Variants in PCDH15 observed in about 807,000 individuals in gnomAD.
PCDH15 encodes the protein protocadherin-15.
Under a neutral mutation model 178.5 loss-of-function variants are expected in PCDH15, and 129 were observed. The observed-to-expected ratio is 0.72, with a 90% CI of 0.63 to 0.84. PCDH15 has a LOEUF of 0.84. PCDH15 is among the 40% of genes least tolerant of loss of function. The pLI is 0.00. For synonymous variants in PCDH15, 800 were observed against 732.0 expected, an observed-to-expected ratio of 1.09 and a Z score of -1.50; for missense variants, 2,230 against 2,099.9, an observed-to-expected ratio of 1.06 and a Z score of -1.21.
chr10:54,155,852 T>C (rs939474005), intron 13 of PCDH15, among the ~76,000 whole-genome samples: 1 of 151,768 alleles, frequency 6.6e-6, no homozygotes, highest in Non-Finnish European at 1.5e-5. Flanking sequence ...TGTCCCCTTC[T>C]GAAGTCTATT....
At chr10:54,814,793 A>T (rs1268875744) in intron 3 of PCDH15, among the ~76,000 whole-genome samples, 1 of 152,166 alleles carries the variant, frequency 6.6e-6, no homozygotes, top group East Asian at 1.9e-4. Context: ...CCACATGCTT[A>T]GCGTTCCAAT....
rs1453026319 is a variant in PCDH15 at position 54,651,036 on chromosome 10, T to A, written c.91+13136A>T. Among the ~76,000 whole-genome samples the A allele has an allele frequency of 3.3e-5, 5 of 151,802 alleles. No homozygotes were observed. In the East Asian group the frequency reaches 9.7e-4, roughly 29 times the overall value. The stretch of plus-strand genomic sequence containing the variant: ...GCAAAAAAGTGAACCCTACAAGCAA[T>A]CAATCAAGAATAACTTCTAGGAAGG... On this transcript the variant is annotated intron_variant, in intron 2 of 37. Coordinates refer to ENST00000644397, the MANE Select transcript of PCDH15 (RefSeq NM_001384140.1).
At chr10:55,035,788 A>G (rs1237119938) in intron 2 of PCDH15, among the ~76,000 whole-genome samples, 2 of 152,202 alleles carry the variant, frequency 1.3e-5, no homozygotes, top group East Asian at 1.9e-4. Context: ...AATATGTGTG[A>G]TAATGTAAAC....
Position 54,195,712 on chromosome 10 carries a change from T to C in PCDH15, c.1276A>G (p.Ile426Val). Residue 426 changes from isoleucine (I) to valine (V), a missense_variant, in exon 11 of 38, where the codon ATA becomes GTA. Ile to Val is a conservative substitution (Grantham distance 29). Coordinates refer to ENST00000644397, the MANE Select transcript of PCDH15 (RefSeq NM_001384140.1). ...DSLNLTSPLR[I>V]VALDKDIEDT... is the part of the protein sequence containing the mutation. ...TCTATGTCCTTGTCCAGAGCTACTATTCTTAAAGGTGAAGTCAAATTGAGA... is the reference window on the plus strand; with the variant it reads ...TCTATGTCCTTGTCCAGAGCTACTACTCTTAAAGGTGAAGTCAAATTGAGA... 1 of 1,614,026 alleles carries C rather than the reference T, an allele frequency of 6.2e-7. No homozygotes were observed. Among genetic ancestry groups the C allele is most frequent in the South Asian group, 1.1e-5 (1 of 91,068 alleles).
chr10:55,582,622 ATATATATTT>A (rs1842642573), intron 2 of PCDH15, among the ~76,000 whole-genome samples: 1 of 74,304 alleles, frequency 1.3e-5, no homozygotes, highest in African/African-American at 6.2e-5. Context: ...ATATATATAT[ATATATATTT>A]TTTTTTTTTT....
intron 2 of PCDH15, among the ~76,000 whole-genome samples, chr10:55,412,650 C>G (rs991087442): frequency 6.6e-6 from 1 of 151,658 alleles, no homozygotes; most frequent in Non-Finnish European, 1.5e-5. Context: ...CATTGGAATA[C>G]AAAAGAACAC....
intron 16 of PCDH15, among the ~76,000 whole-genome samples, chr10:54,082,752 C>T (rs569337369): frequency 5.5e-5 from 5 of 90,840 alleles, no homozygotes; most frequent in South Asian, 3.4e-4. Flanking sequence ...TACTGAACTT[C>T]GTCAAAATAA....
intron 2 of PCDH15, among the ~76,000 whole-genome samples, chr10:55,117,836 T>G (rs1837665155): frequency 6.6e-6 from 1 of 152,138 alleles, no homozygotes. Context: ...GGTTTTTATT[T>G]TTTCTCTCAT....
intron 18 of PCDH15, among the ~76,000 whole-genome samples, chr10:54,032,558 C>G (rs1356585040): frequency 1.3e-5 from 2 of 151,756 alleles, no homozygotes; most frequent in Non-Finnish European, 2.9e-5. Flanking sequence ...TAAAAATTGC[C>G]AATTAGTATT....
intron 1 of PCDH15, among the ~76,000 whole-genome samples, chr10:55,263,115 T>C (rs1842190979): frequency 6.6e-6 from 1 of 152,102 alleles, no homozygotes; most frequent in African/African-American, 2.4e-5. Context: ...TGAATACAAA[T>C]GTGAAACTAT....
At chr10:55,143,347 G>A (rs536073751) in intron 2 of PCDH15, among the ~76,000 whole-genome samples, 1 of 152,032 alleles carries the variant, frequency 6.6e-6, no homozygotes, top group South Asian at 2.1e-4. Flanking sequence ...TACTACAGAA[G>A]TTCTACTTTC....
chr10:54,941,300 C>G (rs1838056389), intron 2 of PCDH15, among the ~76,000 whole-genome samples: 1 of 151,940 alleles, frequency 6.6e-6, no homozygotes, highest in Non-Finnish European at 1.5e-5. Context: ...CCCTTTCTAC[C>G]CCTCTTTTTT....
intron 27 of PCDH15, among the ~76,000 whole-genome samples, chr10:53,861,940 C>A (rs1304896856): frequency 6.6e-6 from 1 of 151,992 alleles, no homozygotes; most frequent in Non-Finnish European, 1.5e-5. Context: ...TTTTAATAGT[C>A]CATTTAGATA....
chr10:53,831,250 C>G, intron 30 of PCDH15, 65 bp downstream of exon 30: 1 of 1,439,954 alleles, frequency 6.9e-7, no homozygotes, highest in Non-Finnish European at 9.8e-7. Context: ...AGCCATGTTA[C>G]CAGAGATGGT....
intron 1 of PCDH15, among the ~76,000 whole-genome samples, chr10:55,295,111 T>C (rs1033095706): frequency 2.6e-5 from 4 of 152,186 alleles, no homozygotes; most frequent in African/African-American, 9.6e-5. Flanking sequence ...TAAGAAAGTT[T>C]TGTGTCAACA....
At chr10:54,223,974 A>C (rs1245780911) in intron 9 of PCDH15, among the ~76,000 whole-genome samples, 2 of 152,166 alleles carry the variant, frequency 1.3e-5, no homozygotes, top group East Asian at 3.9e-4. Context: ...TTTGTTTTTA[A>C]TGCTTCATAC....
At chr10:55,041,212 C>T (rs1459639228) in intron 2 of PCDH15, among the ~76,000 whole-genome samples, 1 of 152,104 alleles carries the variant, frequency 6.6e-6, no homozygotes, top group East Asian at 1.9e-4. Flanking sequence ...GTATTCTCAC[C>T]ATCTTAACCA....
In PCDH15 at chr10:54,183,432, G is replaced by A; in HGVS notation, c.1590+12C>T. 1 of 1,597,688 alleles carries A rather than the reference G, an allele frequency of 6.3e-7. No homozygotes were observed. The highest frequency in any genetic ancestry group is 2.2e-5 in the East Asian group (1 of 44,778). ...AGCTTTGAGTGTACACTTATATTAT[G>A]TGAGTAGTTACCTGTATGACACTGT... On this transcript the variant is annotated intron_variant, in intron 13 of 37. Transcript: ENST00000644397.
chr10:55,398,515 C>T (rs1404430575), intron 2 of PCDH15, among the ~76,000 whole-genome samples: 1 of 152,126 alleles, frequency 6.6e-6, no homozygotes, highest in African/African-American at 2.4e-5. Flanking sequence ...TTCCTCTTTT[C>T]TCTCTTGTCC....
Sources: allele counts gnomAD v4.1 joint callset (sites outside exome capture counted in the v4.1 genomes callset), GRCh38; gene constraint gnomAD v4.1.1; transcripts MANE v1.5; gene names NCBI Gene and HGNC (gene_info 2026-07-23, HGNC 2026-07-21).